PRKACB: variants seen among roughly 807,000 people sequenced by gnomAD.
The protein encoded by PRKACB is cAMP-dependent protein kinase catalytic subunit beta.
PRKACB carries 16 observed loss-of-function variants against 51.4 expected under a neutral mutation model. The observed-to-expected ratio is 0.31, with a 90% CI of 0.21 to 0.47. The LOEUF (loss-of-function observed/expected upper bound fraction) is 0.47, where lower values mean the gene tolerates loss of function less well. PRKACB is among the 20% of genes least tolerant of loss of function. The probability of loss-of-function intolerance (pLI) is 1.00; values close to 1 mark genes in which losing one functional copy is unlikely to be tolerated. For synonymous variants in PRKACB, 147 were observed against 154.4 expected (o/e 0.95, Z 0.35); for missense variants, 309 against 464.5 (o/e 0.67, Z 3.08).
intron 9 of PRKACB, among the ~76,000 whole-genome samples, chr1:84,221,384 T>TA (rs900718745): frequency 7.0e-4 from 106 of 151,768 alleles, no homozygotes; most frequent in African/African-American, 2.5e-3. Flanking sequence ...GTTATTTTTT[T>TA]AAAAAAAAAA....
chr1:84,188,991 G>A (rs1008749525), intron 5 of PRKACB, among the ~76,000 whole-genome samples: 3 of 151,846 alleles, frequency 2.0e-5, no homozygotes, highest in African/African-American at 7.2e-5. Context: ...TATTTTTAAA[G>A]CTCAGTTTTT....
In PRKACB at chr1:84,137,932, A is replaced by T. The variant is rs560793516; in HGVS notation, c.47-41245A>T. Among the ~76,000 whole-genome samples, 10 of 152,312 alleles carry T rather than the reference A, an allele frequency of 6.6e-5. No homozygotes were observed. The South Asian group carries it at 2.1e-3, about 32-fold the overall frequency. ...ACCAGAATGAACTCATGCTTTGCTT[A>T]TAGACACAGTTACATATGGAAATAC... On this transcript the variant is annotated intron_variant, in intron 1 of 8. Coordinates refer to the PRKACB transcript ENST00000370688.
chr1:84,174,044 T>C (rs1277818995), intron 1 of PRKACB, among the ~76,000 whole-genome samples: 2 of 151,768 alleles, frequency 1.3e-5, no homozygotes, highest in African/African-American at 4.8e-5. Context: ...CCGGAAGAAA[T>C]AGAATCTAGC....
At chr1:84,107,442 G>A (rs941336031) in intron 1 of PRKACB, among the ~76,000 whole-genome samples, 2 of 151,936 alleles carry the variant, frequency 1.3e-5, no homozygotes, top group South Asian at 2.1e-4. Context: ...ATTTCATAAC[G>A]AAAATGGCAC....
At chr1:84,106,035 T>C (rs908905390) in intron 1 of PRKACB, among the ~76,000 whole-genome samples, 3 of 152,138 alleles carry the variant, frequency 2.0e-5, no homozygotes, top group Non-Finnish European at 4.4e-5. Flanking sequence ...ATAATAGGTA[T>C]TATAAGTAAT....
At chr1:84,131,761 A>T (rs1203760494) in intron 1 of PRKACB, among the ~76,000 whole-genome samples, 1 of 152,194 alleles carries the variant, frequency 6.6e-6, no homozygotes, top group African/African-American at 2.4e-5. Flanking sequence ...CATTTAAATG[A>T]TAGTTTTGAC....
chr1:84,156,243 T>C (rs565244309), intron 1 of PRKACB, among the ~76,000 whole-genome samples: 2 of 152,220 alleles, frequency 1.3e-5, no homozygotes, highest in Admixed American at 6.5e-5. Flanking sequence ...CAATCTCCTG[T>C]ATTGGCCTCC....
intron 1 of PRKACB, among the ~76,000 whole-genome samples, chr1:84,128,160 C>A (rs991734356): frequency 6.6e-6 from 1 of 151,622 alleles, no homozygotes; most frequent in Non-Finnish European, 1.5e-5. Context: ...AGGCGCCCAC[C>A]ACCACGCCCA....
intron 1 of PRKACB, among the ~76,000 whole-genome samples, chr1:84,106,267 C>T (rs1649739256): frequency 6.6e-6 from 1 of 152,062 alleles, no homozygotes; most frequent in African/African-American, 2.4e-5. Context: ...CCAGAACAAT[C>T]AGGCAAGAGA....
intron 4 of PRKACB, 145 bp from the exon 5 acceptor site, chr1:84,184,955 C>T (rs1163165583): frequency 2.4e-6 from 1 of 416,658 alleles, no homozygotes; most frequent in African/African-American, 2.1e-5. Flanking sequence ...TATAGAAAAG[C>T]TAGAGCATGT....
chr1:84,176,407 A>G (rs980535176), intron 1 of PRKACB, among the ~76,000 whole-genome samples: 5 of 151,992 alleles, frequency 3.3e-5, no homozygotes, highest in African/African-American at 1.2e-4. Context: ...AAGCAAATGC[A>G]TGTGGTTCTA....
chr1:84,234,172 C>G (rs954768140), intron 9 of PRKACB, among the ~76,000 whole-genome samples: 15 of 152,238 alleles, frequency 9.9e-5, no homozygotes, highest in African/African-American at 3.1e-4. Flanking sequence ...AGTACCTGGC[C>G]CTATGAGGTG....
At chr1:84,218,011 A>C (rs1175982263) in intron 9 of PRKACB, among the ~76,000 whole-genome samples, 1 of 152,036 alleles carries the variant, frequency 6.6e-6, no homozygotes, top group Middle Eastern at 3.2e-3. Flanking sequence ...AACTTTTTAA[A>C]TTTTTATTGC....
chr1:84,098,296 A>C (rs1473013609), intron 1 of PRKACB, among the ~76,000 whole-genome samples: 1 of 152,088 alleles, frequency 6.6e-6, no homozygotes, highest in East Asian at 1.9e-4. Context: ...GTTGCATTTT[A>C]TTCTCTTAGT....
At chr1:84,233,949 G>C (rs1190145501) in intron 9 of PRKACB, among the ~76,000 whole-genome samples, 1 of 152,086 alleles carries the variant, frequency 6.6e-6, no homozygotes, top group African/African-American at 2.4e-5. Flanking sequence ...TTGTTCCGTT[G>C]CTGGTGAGGA....
rs1651032209 is a variant in PRKACB, at chr1:84,121,175, T to A, written c.46+42804T>A. ...GCCTATTCATTATTTTTATTTGGAA[T>A]TTTTCCTTTTTTCATGATTTAGTGT... On this transcript the variant is annotated intron_variant, in intron 1 of 8. Transcript: ENST00000370688. Among the ~76,000 whole-genome samples, 4 of 152,074 alleles carry A rather than the reference T, an allele frequency of 2.6e-5. No individual in the cohort carries two copies. The South Asian group carries it at 6.2e-4, about 24-fold the overall frequency.
chr1:84,158,960 C>T (rs1482688545), intron 1 of PRKACB, among the ~76,000 whole-genome samples: 1 of 152,110 alleles, frequency 6.6e-6, no homozygotes, highest in Non-Finnish European at 1.5e-5. Flanking sequence ...AAAGGGTTCA[C>T]TTCTGAATTC....
intron 1 of PRKACB, among the ~76,000 whole-genome samples, chr1:84,138,955 T>C (rs1438389562): frequency 6.6e-6 from 1 of 152,126 alleles, no homozygotes; most frequent in Non-Finnish European, 1.5e-5. Flanking sequence ...CAACAAATGC[T>C]GAAAACACAT....
intron 9 of PRKACB, among the ~76,000 whole-genome samples, chr1:84,230,404 T>G (rs1419205742): frequency 6.6e-6 from 1 of 152,212 alleles, no homozygotes; most frequent in Non-Finnish European, 1.5e-5. Flanking sequence ...TAGGATTGAT[T>G]TGGCGATGCG....
Sources: allele counts gnomAD v4.1 joint callset (sites outside exome capture counted in the v4.1 genomes callset), GRCh38; gene constraint gnomAD v4.1.1; transcripts MANE v1.5; gene names NCBI Gene and HGNC (gene_info 2026-07-23, HGNC 2026-07-21).